SNX4: variants seen among roughly 807,000 people sequenced by gnomAD.
The protein encoded by SNX4 is sorting nexin 4.
SNX4 carries 49 observed loss-of-function variants against 70.8 expected under a neutral mutation model. That is an observed-to-expected ratio of 0.69 (90% CI 0.55 to 0.88). The LOEUF (loss-of-function observed/expected upper bound fraction) is 0.88. Among genes scored for constraint, SNX4 ranks in the 40% least tolerant of loss-of-function variants. The pLI is 0.00. For synonymous variants in SNX4, 206 were observed against 183.8 expected (o/e 1.12, Z -0.98); for missense variants, 528 against 544.8 (o/e 0.97, Z 0.31).
chr3:125,449,462 T>C (rs917820788), intron 13 of SNX4, among the ~76,000 whole-genome samples: 7 of 151,410 alleles, frequency 4.6e-5, no homozygotes, highest in African/African-American at 1.2e-4. Flanking sequence ...GGTCTCACTA[T>C]GTTGCCCAGC....
chr3:125,484,939 G>A (rs1409198881), intron 6 of SNX4, among the ~76,000 whole-genome samples: 4 of 152,006 alleles, frequency 2.6e-5, no homozygotes, highest in African/African-American at 7.2e-5. Context: ...GGTGGTGGGC[G>A]CCTGTAATCC....
rs1933640902 is a variant in SNX4 at position 125,453,811 on chromosome 3, T to C, written c.1189A>G (p.Arg397Gly). The C allele has an allele frequency of 1.9e-6, 3 of 1,613,860 alleles. No individual in the cohort carries two copies. Among genetic ancestry groups the C allele is most frequent in the Non-Finnish European group, 1.7e-6 (2 of 1,179,890 alleles). ...ACTTAAACATCGCAGCATCTTTACC[T>C]GCCTTCCAGATTTTTAGACTTTAGC... ...QQLKSKNLEG[R>G]EFVKNAWADI... The change falls in exon 12 of 14, where the codon AGA (arginine) becomes GGA (glycine). Residue 397 changes from arginine to glycine, a missense_variant and splice_region_variant. Arg to Gly is a moderately radical substitution (Grantham distance 125). This residue lies in a region of SNX4 where 159 missense variants were observed against 172.6 expected (regional missense o/e 0.92). Transcript: ENST00000251775.
At chr3:125,504,273 C>G (rs1457154578) in intron 2 of SNX4, among the ~76,000 whole-genome samples, 1 of 147,378 alleles carries the variant, frequency 6.8e-6, no homozygotes, top group African/African-American at 2.5e-5. Flanking sequence ...ACAGAGATTG[C>G]AGTGAGCCAA....
intron 1 of SNX4, among the ~76,000 whole-genome samples, chr3:125,508,240 T>G (rs1935092204): frequency 6.6e-6 from 1 of 152,138 alleles, no homozygotes; most frequent in South Asian, 2.1e-4. Context: ...ATATGGAATC[T>G]CAAGGGACCC....
At chr3:125,457,126 C>A in intron 11 of SNX4, 140 bp downstream of exon 11, 1 of 621,656 alleles carries the variant, frequency 1.6e-6, no homozygotes. Context: ...CAAATTATTC[C>A]CCTGTAAAAG....
rs1933434172 is a variant in SNX4, at chr3:125,446,801, C to T, written c.*978G>A. 1 of 152,414 alleles carries T rather than the reference C, an allele frequency of 6.6e-6. No homozygotes were observed. The highest frequency in any genetic ancestry group is 1.5e-5 in the Non-Finnish European group (1 of 68,004). The allele number at this position is 152,414 out of a possible 1,614,324, so 9.4% of individuals were successfully genotyped here. A position where few individuals can be genotyped will look rare whatever the true frequency, so the allele number is the denominator to read the frequency against. On this transcript the variant is annotated 3_prime_UTR_variant, in exon 14 of 14. Coordinates refer to ENST00000251775, the MANE Select transcript of SNX4 (RefSeq NM_003794.4). ...AATAACGAGTACACATTTTAAGATTCTGCAAAGCTAGCAAAATGAAGATGC... is the reference window on the plus strand; with the variant it reads ...AATAACGAGTACACATTTTAAGATTTTGCAAAGCTAGCAAAATGAAGATGC...
At chr3:125,481,057 T>A (rs1396389996) in intron 6 of SNX4, among the ~76,000 whole-genome samples, 6 of 152,116 alleles carry the variant, frequency 3.9e-5, no homozygotes, top group African/African-American at 1.4e-4. Flanking sequence ...TAACACCCTG[T>A]CAATATCCAC....
intron 6 of SNX4, among the ~76,000 whole-genome samples, chr3:125,485,365 T>A (rs1002999941): frequency 6.6e-6 from 1 of 152,084 alleles, no homozygotes; most frequent in Admixed American, 6.6e-5. Context: ...TGGCACAATC[T>A]CGACTCACTG....
intron 1 of SNX4, among the ~76,000 whole-genome samples, chr3:125,509,370 G>C (rs1455811652): frequency 1.3e-5 from 2 of 150,364 alleles, no homozygotes; most frequent in African/African-American, 4.9e-5. Context: ...CAGTATTAGA[G>C]TAAAAAGGCA....
At chr3:125,458,675 G>C (rs1933789395) in intron 10 of SNX4, among the ~76,000 whole-genome samples, 1 of 151,820 alleles carries the variant, frequency 6.6e-6, no homozygotes, top group Non-Finnish European at 1.5e-5. Context: ...AAAGCCGGGA[G>C]AGGTGGCAGG....
At chr3:125,481,338 A>C (rs1452281634) in intron 6 of SNX4, among the ~76,000 whole-genome samples, 1 of 150,434 alleles carries the variant, frequency 6.6e-6, no homozygotes. Flanking sequence ...TTATTTTCTC[A>C]TGGCTTTCAT....
At chr3:125,466,677 A>G (rs1291404382) in intron 9 of SNX4, among the ~76,000 whole-genome samples, 1 of 152,184 alleles carries the variant, frequency 6.6e-6, no homozygotes, top group African/African-American at 2.4e-5. Context: ...CTGTAATCCC[A>G]CACTTTTGGG....
At chr3:125,503,205 C>T (rs1297553409) in intron 2 of SNX4, among the ~76,000 whole-genome samples, 1 of 152,176 alleles carries the variant, frequency 6.6e-6, no homozygotes, top group Non-Finnish European at 1.5e-5. Context: ...CCACGCCCAG[C>T]TAGGTTTGGT....
intron 5 of SNX4, among the ~76,000 whole-genome samples, chr3:125,489,955 C>G (rs996901515): frequency 1.3e-5 from 2 of 151,984 alleles, no homozygotes; most frequent in Admixed American, 6.6e-5. Flanking sequence ...ATGAAACCCC[C>G]ATCTCTACTA....
rs570393568 is a variant in SNX4, at chr3:125,469,651, G to T, written c.789-132C>A. On this transcript the variant is annotated intron_variant, in intron 8 of 13. Coordinates refer to ENST00000251775, the MANE Select transcript of SNX4 (RefSeq NM_003794.4). ...TAGCACCCGTATTTGGGTTTATTTT[G>T]TATAACTCAAATATGCTGTTTTCCC... The T allele has an allele frequency of 1.6e-5, 10 of 627,480 alleles. No homozygotes were observed. In the Admixed American group the frequency reaches 3.0e-4, roughly 19 times the overall value. The allele number at this position is 627,480 out of a possible 1,614,324, so 38.9% of individuals were successfully genotyped here.
At chr3:125,493,052 AG>A (rs1300400336) in intron 5 of SNX4, among the ~76,000 whole-genome samples, 3 of 152,232 alleles carry the variant, frequency 2.0e-5, no homozygotes, top group Non-Finnish European at 4.4e-5. Context: ...TCATTACTCT[AG>A]GGATAAACCC....
chr3:125,451,446 A>G lies in SNX4; in HGVS notation c.1191-27T>C, dbSNP rs769226227. On this transcript the variant is annotated intron_variant, in intron 12 of 13. Transcript: ENST00000251775. ...TGAAATAAAAGGTATAGCCATTATT[A>G]TTATTTAAGTTAAATAAACTGTGTA... is the stretch of plus-strand genomic sequence containing the variant. 3 of 1,508,262 alleles carry G rather than the reference A, an allele frequency of 2.0e-6. No individual in the cohort carries two copies. In the African/African-American group the frequency reaches 4.1e-5, roughly 21 times the overall value. The allele number at this position is 1,508,262 out of a possible 1,614,324, so 93.4% of individuals were successfully genotyped here.
At chr3:125,494,250 C>T (rs1381196448) in intron 5 of SNX4, among the ~76,000 whole-genome samples, 1 of 151,990 alleles carries the variant, frequency 6.6e-6, no homozygotes, top group Non-Finnish European at 1.5e-5. Context: ...CTTTAACAAC[C>T]ATCTCTGCAA....
chr3:125,495,250 T>TTTTATATATATATATATATATATA (rs869243473), intron 5 of SNX4, among the ~76,000 whole-genome samples: 6 of 38,156 alleles, frequency 1.6e-4, no homozygotes, highest in South Asian at 1.1e-3. Context: ...CATTCTCTCT[T>TTTTATATATATATATATATATATA]TATATATATA....
Sources: allele counts gnomAD v4.1 joint callset (sites outside exome capture counted in the v4.1 genomes callset), GRCh38; gene constraint gnomAD v4.1.1; regional missense constraint gnomAD v4.1.1; transcripts MANE v1.5; gene names NCBI Gene and HGNC (gene_info 2026-07-23, HGNC 2026-07-21).